The following NUBPL variants were observed in gnomAD, a reference collection of about 807,000 sequenced individuals.
NUBPL encodes the protein iron-sulfur cluster transfer protein NUBPL.
Under a neutral mutation model 45.7 loss-of-function variants are expected in NUBPL, and 31 were observed. That is an observed-to-expected ratio of 0.68 (90% confidence interval 0.51 to 0.92). The LOEUF is 0.92. NUBPL is among the 40% of genes least tolerant of loss of function. NUBPL has a pLI of 0.00. For missense variants in NUBPL, 401 were observed against 398.7 expected, an observed-to-expected ratio of 1.01 and a Z score of -0.05; for synonymous variants, 144 against 140.9, an observed-to-expected ratio of 1.02 and a Z score of -0.15.
At chr14:31,575,181 T>G (rs1482031485) in intron 3 of NUBPL, among the ~76,000 whole-genome samples, 1 of 152,226 alleles carries the variant, frequency 6.6e-6, no homozygotes. Flanking sequence ...TTTAGCCCTT[T>G]GAAGTTCTGT....
intron 6 of NUBPL, among the ~76,000 whole-genome samples, chr14:31,732,348 A>G (rs1397283163): frequency 1.3e-5 from 2 of 152,112 alleles, no homozygotes; most frequent in East Asian, 1.9e-4. Flanking sequence ...GCTAGCCTAT[A>G]TTTCAGAATC....
At chr14:31,718,845 C>G (rs1024652886) in intron 6 of NUBPL, among the ~76,000 whole-genome samples, 1 of 152,128 alleles carries the variant, frequency 6.6e-6, no homozygotes, top group Admixed American at 6.5e-5. Flanking sequence ...AGTGTCTGCT[C>G]TATATCAAAT....
At chr14:31,760,755 C>G (rs1487819603) in intron 6 of NUBPL, among the ~76,000 whole-genome samples, 1 of 40,722 alleles carries the variant, frequency 2.5e-5, no homozygotes, top group East Asian at 7.8e-4. Flanking sequence ...GTTATTGTGT[C>G]ATATATTGAT....
intron 6 of NUBPL, among the ~76,000 whole-genome samples, chr14:31,709,204 T>C (rs2037517222): frequency 6.6e-6 from 1 of 152,202 alleles, no homozygotes; most frequent in Admixed American, 6.5e-5. Context: ...ACTTATCTTT[T>C]AGAATCAATT....
At chr14:31,670,044 G>C (rs2036535685) in intron 4 of NUBPL, among the ~76,000 whole-genome samples, 1 of 152,046 alleles carries the variant, frequency 6.6e-6, no homozygotes. Context: ...TTAGCTCTTT[G>C]AGGAATTGCC....
chr14:31,853,270 G>T (rs2040568404), intron 10 of NUBPL, among the ~76,000 whole-genome samples: 1 of 152,074 alleles, frequency 6.6e-6, no homozygotes, highest in Admixed American at 6.5e-5. Flanking sequence ...TGCCCAGGCT[G>T]GTGTCAAACT....
At chr14:31,636,038 AG>A (rs2035486921) in intron 4 of NUBPL, among the ~76,000 whole-genome samples, 1 of 152,018 alleles carries the variant, frequency 6.6e-6, no homozygotes, top group African/African-American at 2.4e-5. Flanking sequence ...ATCTGCAAAC[AG>A]GGACAATTTG....
intron 4 of NUBPL, among the ~76,000 whole-genome samples, chr14:31,621,620 C>T (rs1447950312): frequency 6.6e-6 from 1 of 152,190 alleles, no homozygotes; most frequent in Non-Finnish European, 1.5e-5. Context: ...GGGCCGTACC[C>T]ACTGTCCAAC....
chr14:31,799,176 C>T (rs557097354), intron 7 of NUBPL, among the ~76,000 whole-genome samples: 2 of 152,190 alleles, frequency 1.3e-5, no homozygotes, highest in South Asian at 4.1e-4. Flanking sequence ...ACAGAAAGTG[C>T]AGTATTCTGA....
chr14:31,668,058 G>GTC (rs1248029230), intron 4 of NUBPL: 3 of 152,606 alleles, frequency 2.0e-5, no homozygotes, highest in Non-Finnish European at 4.4e-5. Context: ...GAGGCAGTCT[G>GTC]TCTCTTAGCA....
At chr14:31,770,247 T>A (rs1379199769) in intron 6 of NUBPL, among the ~76,000 whole-genome samples, 2 of 152,168 alleles carry the variant, frequency 1.3e-5, no homozygotes, top group Non-Finnish European at 2.9e-5. Context: ...CAGAGTTTTA[T>A]TATTACTCAT....
intron 2 of NUBPL, among the ~76,000 whole-genome samples, chr14:31,563,845 A>T (rs1566415130): frequency 6.6e-6 from 1 of 152,230 alleles, no homozygotes; most frequent in Admixed American, 6.5e-5. Context: ...AGAATTTTGT[A>T]ACTTATAAAA....
At position 31,814,317 on chromosome 14, in the gene NUBPL, C is replaced by G. The variant is rs555980924; in HGVS notation, c.608-12312C>G. Among the ~76,000 whole-genome samples, 74 of 152,266 alleles carry G rather than the reference C, an allele frequency of 4.9e-4. 1 individual carries two copies. The South Asian group carries it at 0.015, about 31-fold the overall frequency. Reference sequence around the variant, plus strand: ...GAGCTTTTTTTCATATGTTTGTTGGCTGTATAAATGTCTTCTTTTGAGAAG... The same window carrying G: ...GAGCTTTTTTTCATATGTTTGTTGGGTGTATAAATGTCTTCTTTTGAGAAG... On this transcript the variant is annotated intron_variant, in intron 7 of 10. Transcript: ENST00000281081.
intron 4 of NUBPL, among the ~76,000 whole-genome samples, chr14:31,638,669 C>T (rs11623337): frequency 0.064 from 9,813 of 152,194 alleles, 412 homozygotes; most frequent in Non-Finnish European, 0.091. Context: ...TCCAGGATAA[C>T]ATCCTGCAGA....
intron 6 of NUBPL, among the ~76,000 whole-genome samples, chr14:31,757,739 G>T (rs1230666546): frequency 6.6e-6 from 1 of 152,034 alleles, no homozygotes; most frequent in Non-Finnish European, 1.5e-5. Context: ...TCTTTCATGT[G>T]TTTATATTTC....
At chr14:31,663,076 T>C (rs2036313916) in intron 4 of NUBPL, among the ~76,000 whole-genome samples, 2 of 152,234 alleles carry the variant, frequency 1.3e-5, no homozygotes, top group Admixed American at 1.3e-4. Context: ...TTCACCCACT[T>C]TTTGATGGGG....
In NUBPL at chr14:31,735,878, C is replaced by T. The variant is rs183012375; in HGVS notation, c.514-51902C>T. 1.7e-3 allele frequency among the ~76,000 whole-genome samples: 263 copies of T among 152,172 alleles called. 1 individual carries two copies. The highest frequency in any genetic ancestry group is 5.8e-3 in the African/African-American group (242 of 41,520). ...AAAAAAATCAGAGTGAATATAAATTCATAATCTTGGATAGAAAGACATATT... is the reference window on the plus strand; with the variant it reads ...AAAAAAATCAGAGTGAATATAAATTTATAATCTTGGATAGAAAGACATATT... On this transcript the variant is annotated intron_variant, in intron 6 of 10. Transcript: ENST00000281081.
At chr14:31,771,469 A>G (rs190469523) in intron 6 of NUBPL, among the ~76,000 whole-genome samples, 3 of 152,270 alleles carry the variant, frequency 2.0e-5, no homozygotes, top group Admixed American at 6.5e-5. Flanking sequence ...TAAAGCTCCT[A>G]TGTTCTTGAG....
intron 7 of NUBPL, among the ~76,000 whole-genome samples, chr14:31,805,896 C>T (rs1349833765): frequency 6.6e-6 from 1 of 150,610 alleles, no homozygotes; most frequent in Non-Finnish European, 1.5e-5. Flanking sequence ...CATGTAACCC[C>T]GAACCTAAAA....
Sources: gnomAD v4.1 joint callset for allele counts (sites outside exome capture counted in the v4.1 genomes callset) on GRCh38, gnomAD v4.1.1 for gene constraint, MANE v1.5 for transcripts, NCBI Gene and HGNC (gene_info 2026-07-23, HGNC 2026-07-21) for gene names.